CTNNA3: variants seen among roughly 807,000 people sequenced by gnomAD.
The protein encoded by CTNNA3 is catenin alpha 3, also known as catenin alpha-3.
A neutral mutation model predicts 95.7 loss-of-function variants in CTNNA3; 76 were observed. The observed-to-expected ratio is 0.79, with a 90% CI of 0.66 to 0.96. The LOEUF (loss-of-function observed/expected upper bound fraction) is 0.96, where lower values mean the gene tolerates loss of function less well. CTNNA3 is among the 40% of genes least tolerant of loss of function. CTNNA3 has a pLI of 0.00. For synonymous variants in CTNNA3, 431 were observed against 374.4 expected, an observed-to-expected ratio of 1.15 and a Z score of -1.74; for missense variants, 1,191 against 1,089.8, an observed-to-expected ratio of 1.09 and a Z score of -1.31.
At chr10:67,346,816 T>C in intron 5 of CTNNA3, 1 of 361,440 alleles carries the variant, frequency 2.8e-6, no homozygotes. Context: ...TGAACTTACA[T>C]TTAGAAACCC....
rs182526508 is a variant in CTNNA3, at chr10:66,782,205, T to C, written c.1048-6681A>G. On this transcript the variant is annotated intron_variant, in intron 7 of 17. Transcript: ENST00000433211. Reference sequence around the variant, plus strand: ...ATAATATAAAATCTATATTACAAAGTTGTTATAAGGAATAAAAGGATAAAG... The same window carrying C: ...ATAATATAAAATCTATATTACAAAGCTGTTATAAGGAATAAAAGGATAAAG... Among the ~76,000 whole-genome samples, 508 of 152,178 alleles carry C rather than the reference T, an allele frequency of 3.3e-3. 3 individuals carry two copies. The highest frequency in any genetic ancestry group is 5.9e-3 in the Non-Finnish European group (401 of 68,004).
chr10:67,760,320 C>T (rs1196364974), intron 1 of CTNNA3, among the ~76,000 whole-genome samples: 2 of 152,164 alleles, frequency 1.3e-5, no homozygotes, highest in Middle Eastern at 3.2e-3. Context: ...GCCATCTACA[C>T]GTCTCAATTT....
At position 66,241,254 on chromosome 10, in the gene CTNNA3, T is replaced by C. The variant is rs565957075; in HGVS notation, c.1884+39216A>G. Among the ~76,000 whole-genome samples the C allele has an allele frequency of 3.5e-4, 54 of 152,294 alleles. No individual in the cohort carries two copies. The South Asian group carries it at 7.0e-3, about 20-fold the overall frequency. On this transcript the variant is annotated intron_variant, in intron 13 of 17. Coordinates refer to ENST00000433211, the MANE Select transcript of CTNNA3 (RefSeq NM_013266.4). ...AAATGTATCACTGTTGATTTTCTGA[T>C]TGTGATATTGTGCTATAGTTATGCC...
At chr10:67,247,661 G>GTAATC (rs1564510325) in intron 5 of CTNNA3, among the ~76,000 whole-genome samples, 2 of 152,088 alleles carry the variant, frequency 1.3e-5, no homozygotes, top group South Asian at 4.2e-4. Context: ...AATGAATTTT[G>GTAATC]TAATCCTAAA....
At chr10:67,669,810 A>G (rs1840397411) in intron 1 of CTNNA3, among the ~76,000 whole-genome samples, 1 of 152,212 alleles carries the variant, frequency 6.6e-6, no homozygotes. Flanking sequence ...TGATTTTTAA[A>G]TGGATAGAGA....
chr10:66,441,429 T>C (rs953633282), intron 11 of CTNNA3, among the ~76,000 whole-genome samples: 3 of 152,220 alleles, frequency 2.0e-5, no homozygotes, highest in African/African-American at 7.2e-5. Context: ...TGTACAAATT[T>C]AGCAAGGTAA....
chr10:66,836,442 A>G (rs1316017745), intron 7 of CTNNA3, among the ~76,000 whole-genome samples: 2 of 152,112 alleles, frequency 1.3e-5, no homozygotes, highest in Non-Finnish European at 2.9e-5. Context: ...ATTTCCCCAA[A>G]TGGAGCTCCA....
At chr10:66,246,092 C>G (rs896646670) in intron 13 of CTNNA3, among the ~76,000 whole-genome samples, 1 of 152,210 alleles carries the variant, frequency 6.6e-6, no homozygotes, top group African/African-American at 2.4e-5. Context: ...GATGTACCCC[C>G]TTCCACCCAG....
chr10:67,736,715 A>C (rs999981001), intron 1 of CTNNA3, among the ~76,000 whole-genome samples: 1 of 152,050 alleles, frequency 6.6e-6, no homozygotes, highest in African/African-American at 2.4e-5. Flanking sequence ...TCGGCCTCCC[A>C]AAGTGCTGGG....
intron 9 of CTNNA3, among the ~76,000 whole-genome samples, chr10:66,651,292 A>T (rs1845887866): frequency 6.6e-6 from 1 of 152,150 alleles, no homozygotes; most frequent in African/African-American, 2.4e-5. Context: ...TGGTGCATCC[A>T]CAAACCCTGA....
chr10:66,516,813 G>A (rs895882796), intron 11 of CTNNA3, among the ~76,000 whole-genome samples: 8 of 152,214 alleles, frequency 5.3e-5, no homozygotes, highest in Admixed American at 5.2e-4. Flanking sequence ...AGTTAAAGCT[G>A]CAAGCCAGCT....
chr10:66,878,687 A>G (rs1331563796), intron 7 of CTNNA3, among the ~76,000 whole-genome samples: 1 of 152,086 alleles, frequency 6.6e-6, no homozygotes, highest in Non-Finnish European at 1.5e-5. Context: ...CATCTCTCTC[A>G]TAATTCAGGC....
chr10:66,951,624 T>C (rs925337553), intron 7 of CTNNA3, among the ~76,000 whole-genome samples: 1 of 150,830 alleles, frequency 6.6e-6, no homozygotes, highest in Non-Finnish European at 1.5e-5. Flanking sequence ...TCTTTCTTGC[T>C]CCTGAATCCA....
intron 16 of CTNNA3, among the ~76,000 whole-genome samples, chr10:65,967,561 A>G (rs548204447): frequency 6.6e-6 from 1 of 152,294 alleles, no homozygotes; most frequent in South Asian, 2.1e-4. Context: ...TTACAGACAA[A>G]GGAAATTATT....
Position 67,750,674 on chromosome 10 carries a change from T to G in CTNNA3, c.-2+12760A>C. Reference sequence around the variant, plus strand: ...TTCCGCAAAGATGATAAAGGTAATATGATCGGTGGAAAAGCAATGTTCTTG... The same window carrying G: ...TTCCGCAAAGATGATAAAGGTAATAGGATCGGTGGAAAAGCAATGTTCTTG... On this transcript the variant is annotated intron_variant, in intron 1 of 17. Transcript: ENST00000684154. 3.2e-6 allele frequency: 5 copies of G among 1,547,726 alleles called. 1 individual carries two copies. In the South Asian group the frequency reaches 5.6e-5, roughly 17 times the overall value.
chr10:66,356,058 T>C (rs2092606345), intron 12 of CTNNA3, among the ~76,000 whole-genome samples: 1 of 151,784 alleles, frequency 6.6e-6, no homozygotes, highest in Non-Finnish European at 1.5e-5. Flanking sequence ...TTAATTACTA[T>C]AGTTTTATAG....
intron 7 of CTNNA3, among the ~76,000 whole-genome samples, chr10:67,025,044 C>A (rs1853268861): frequency 6.7e-6 from 1 of 149,728 alleles, no homozygotes; most frequent in African/African-American, 2.5e-5. Context: ...GCAGGAGAAT[C>A]ACTTGAACCC....
At chr10:67,621,936 A>G (rs1843860140) in intron 2 of CTNNA3, among the ~76,000 whole-genome samples, 1 of 152,156 alleles carries the variant, frequency 6.6e-6, no homozygotes. Context: ...TTGCTTTCAC[A>G]TTACAACAAT....
intron 9 of CTNNA3, among the ~76,000 whole-genome samples, chr10:66,686,573 G>A (rs1191020330): frequency 6.6e-6 from 1 of 152,054 alleles, no homozygotes; most frequent in Non-Finnish European, 1.5e-5. Context: ...TTTCTAGTTT[G>A]CTTTGATCAG....
Sources: gnomAD v4.1 joint callset for allele counts (sites outside exome capture counted in the v4.1 genomes callset) on GRCh38, gnomAD v4.1.1 for gene constraint, MANE v1.5 for transcripts, NCBI Gene and HGNC (gene_info 2026-07-23, HGNC 2026-07-21) for gene names.